CERS3: variants seen among roughly 807,000 people sequenced by gnomAD.
CERS3 encodes ceramide synthase 3.
In CERS3, 33 loss-of-function variants were observed where a neutral mutation model predicts 50.3. That is an observed-to-expected ratio of 0.66 (90% confidence interval 0.50 to 0.88). The LOEUF (loss-of-function observed/expected upper bound fraction) is 0.88. Among genes scored for constraint, CERS3 ranks in the 40% least tolerant of loss-of-function variants. The probability of loss-of-function intolerance (pLI) is 0.00; values close to 1 mark genes in which losing one functional copy is unlikely to be tolerated. For missense variants in CERS3, 470 were observed against 460.3 expected, an observed-to-expected ratio of 1.02 and a Z score of -0.19; for synonymous variants, 176 against 155.2, an observed-to-expected ratio of 1.13 and a Z score of -0.99.
intron 7 of CERS3, 57 bp downstream of exon 7, chr15:100,479,371 T>C (rs1243210047): frequency 2.3e-6 from 3 of 1,306,928 alleles, no homozygotes; most frequent in Non-Finnish European, 3.2e-6. Context: ...ACTAAGGAGA[T>C]AATTTGAGGG....
At chr15:100,428,934 C>A (rs1295650069) in intron 11 of CERS3, among the ~76,000 whole-genome samples, 1 of 152,208 alleles carries the variant, frequency 6.6e-6, no homozygotes, top group Non-Finnish European at 1.5e-5. Context: ...GTGGAATAAA[C>A]CTTTCAAGAA....
chr15:100,511,141 T>C (rs978164976), intron 2 of CERS3, among the ~76,000 whole-genome samples: 5 of 151,954 alleles, frequency 3.3e-5, no homozygotes, highest in African/African-American at 1.2e-4. Flanking sequence ...ATACAAAAAT[T>C]ACCCGGGCGT....
At chr15:100,450,203 G>A (rs927403264) in intron 11 of CERS3, among the ~76,000 whole-genome samples, 1 of 152,022 alleles carries the variant, frequency 6.6e-6, no homozygotes, top group African/African-American at 2.4e-5. Context: ...GGCAGATCAT[G>A]AGGTCAGGAG....
intron 11 of CERS3, among the ~76,000 whole-genome samples, chr15:100,453,637 A>C (rs1045254081): frequency 7.9e-5 from 12 of 152,226 alleles, no homozygotes; most frequent in Admixed American, 5.2e-4. Context: ...GTAGTACTGG[A>C]CATTAAAGTC....
intron 11 of CERS3, among the ~76,000 whole-genome samples, chr15:100,452,605 G>A (rs2034213077): frequency 1.3e-5 from 2 of 151,892 alleles, no homozygotes; most frequent in Admixed American, 6.6e-5. Flanking sequence ...AACTAGGAAA[G>A]CAAGAATAAA....
chr15:100,405,763 T>TACAC lies in CERS3; in HGVS notation c.1000-2902_1000-2899dup, dbSNP rs976584611. ...GATTATGGGGATGGCTGCACAAATA[T>TACAC]ACACACATGTTAAAATTCACAAAAC... is the stretch of plus-strand genomic sequence containing the variant. On this transcript the variant is annotated intron_variant, in intron 11 of 11. Coordinates refer to ENST00000679737, the MANE Select transcript of CERS3 (RefSeq NM_001378789.1). 1.7e-4 allele frequency among the ~76,000 whole-genome samples: 26 copies of TACAC among 152,310 alleles called. 1 individual carries two copies. The highest frequency in any genetic ancestry group is 5.5e-4 in the African/African-American group (23 of 41,578).
chr15:100,465,629 A>G (rs1020379085), intron 10 of CERS3, among the ~76,000 whole-genome samples: 2 of 151,650 alleles, frequency 1.3e-5, no homozygotes, highest in Admixed American at 1.3e-4. Flanking sequence ...AAATATTTTT[A>G]CCAGGAAAAG....
intron 4 of CERS3, among the ~76,000 whole-genome samples, chr15:100,486,139 TA>T (rs2035476027): frequency 6.6e-6 from 1 of 152,192 alleles, no homozygotes; most frequent in South Asian, 2.1e-4. Context: ...TCCCTCAAAG[TA>T]AATTTAAACC....
chr15:100,416,567 G>A (rs1283396854), intron 11 of CERS3, among the ~76,000 whole-genome samples: 5 of 152,190 alleles, frequency 3.3e-5, no homozygotes, highest in Non-Finnish European at 5.9e-5. Flanking sequence ...GAGGCCTCAG[G>A]AAACTTACAA....
At chr15:100,446,367 T>TG (rs2142169221) in intron 11 of CERS3, among the ~76,000 whole-genome samples, 1 of 137,890 alleles carries the variant, frequency 7.3e-6, no homozygotes, top group Non-Finnish European at 1.6e-5. Context: ...TTCTCAGGTT[T>TG]TTTTTTTTTT....
At chr15:100,448,329 A>G (rs1340554524) in intron 11 of CERS3, among the ~76,000 whole-genome samples, 1 of 152,218 alleles carries the variant, frequency 6.6e-6, no homozygotes, top group Non-Finnish European at 1.5e-5. Context: ...GGAAACACTT[A>G]AGGCAAAAAA....
intron 11 of CERS3, among the ~76,000 whole-genome samples, chr15:100,432,071 GT>G (rs56404482): frequency 0.84 from 125,261 of 149,164 alleles, 52,810 homozygotes; most frequent in Middle Eastern, 0.9. Flanking sequence ...GCCCTCTTTT[GT>G]TTTTTTTTTT....
At chr15:100,479,326 G>A (rs752172466) in intron 7 of CERS3, 102 bp downstream of exon 7, 4 of 834,382 alleles carry the variant, frequency 4.8e-6, no homozygotes, top group Non-Finnish European at 7.8e-6. Flanking sequence ...GGATGACACA[G>A]TAGTGAACAA....
chr15:100,404,526 C>T (rs1335167534), intron 11 of CERS3, among the ~76,000 whole-genome samples: 1 of 152,274 alleles, frequency 6.6e-6, no homozygotes, highest in Admixed American at 6.5e-5. Flanking sequence ...GAAGACTGAA[C>T]ATAATGAAAG....
intron 11 of CERS3, among the ~76,000 whole-genome samples, chr15:100,427,489 G>C (rs1439968725): frequency 6.6e-6 from 1 of 152,156 alleles, no homozygotes; most frequent in Non-Finnish European, 1.5e-5. Context: ...GCCAGGAAAG[G>C]GTTAAAAGTT....
Position 100,484,578 on chromosome 15 carries a change from A to C in CERS3, c.379T>G (p.Ser127Ala), listed in dbSNP as rs899362537. 6.2e-7 allele frequency: 1 copy of C among 1,613,452 alleles called. No homozygotes were observed. Among genetic ancestry groups the C allele is most frequent in the Non-Finnish European group, 8.5e-7 (1 of 1,179,502 alleles). Residue 127 changes from serine to alanine, a missense_variant, in exon 5 of 12, where the codon TCC (serine) becomes GCC (alanine). Ser to Ala is a moderately conservative substitution (Grantham distance 99). Coordinates refer to ENST00000679737, the MANE Select transcript of CERS3 (RefSeq NM_001378789.1). ...GCTTCCTGGAATTTCTTCAGCCTGG[A>C]AGGCCTCTCTTGATTCCGCCGACTC... The part of the protein sequence containing the change: ...FRSRRNQERP[S>A]RLKKFQEACW...
In CERS3 at chr15:100,491,757, C is replaced by T. The variant is rs891403619; in HGVS notation, c.174-826G>A. 2.6e-4 allele frequency among the ~76,000 whole-genome samples: 39 copies of T among 152,090 alleles called. 1 individual carries two copies. Among genetic ancestry groups the T allele is most frequent in the African/African-American group, 9.4e-4 (39 of 41,510 alleles). On this transcript the variant is annotated intron_variant, in intron 3 of 11. Coordinates refer to ENST00000679737, the MANE Select transcript of CERS3 (RefSeq NM_001378789.1). Reference sequence around the variant, plus strand: ...TGTATTCTATTAAGTTTTAGTATGGCATTTTCTTTTTCATTCATCTCAAGT... The same window carrying T: ...TGTATTCTATTAAGTTTTAGTATGGTATTTTCTTTTTCATTCATCTCAAGT...
At chr15:100,476,324 G>A (rs972152365) in intron 7 of CERS3, 146 bp from the exon 8 acceptor site, 11 of 457,088 alleles carry the variant, frequency 2.4e-5, no homozygotes, top group South Asian at 3.6e-5. Context: ...ATATTTCAAC[G>A]AAGGAATTAA....
chr15:100,472,977 G>T lies in CERS3; in HGVS notation c.685C>A (p.Arg229Ser), dbSNP rs758046951. Reference protein sequence around the residue: ...MSFSWCANYIRSGTLVMIVHD... With the variant: ...MSFSWCANYISSGTLVMIVHD... ...ACAATCATCACGAGGGTCCCACTGCGAATATAATTAGCACACCAAGAGAAG... is the reference window on the plus strand; with the variant it reads ...ACAATCATCACGAGGGTCCCACTGCTAATATAATTAGCACACCAAGAGAAG... The change falls in exon 9 of 12, where the codon CGC becomes AGC. Residue 229 changes from arginine to serine, a missense_variant. Coordinates refer to ENST00000679737, the MANE Select transcript of CERS3 (RefSeq NM_001378789.1). 2.0e-5 allele frequency: 32 copies of T among 1,613,690 alleles called. No homozygotes were observed. Among genetic ancestry groups the T allele is most frequent in the Admixed American group, 1.2e-4 (7 of 59,988 alleles).
Sources: allele counts gnomAD v4.1 joint callset (sites outside exome capture counted in the v4.1 genomes callset), GRCh38; gene constraint gnomAD v4.1.1; transcripts MANE v1.5; gene names NCBI Gene and HGNC (gene_info 2026-07-23, HGNC 2026-07-21).